The following NRG1 variants were observed in gnomAD, a reference collection of about 807,000 sequenced individuals.
The protein encoded by NRG1 is neuregulin 1, also known as pro-neuregulin-1, membrane-bound isoform.
A neutral mutation model predicts 63.8 loss-of-function variants in NRG1; 18 were observed. The observed-to-expected ratio is 0.28, with a 90% CI of 0.19 to 0.42. The LOEUF is 0.42. Among genes scored for constraint, NRG1 ranks in the 10% least tolerant of loss-of-function variants. The pLI, the probability that NRG1 is intolerant of heterozygous loss-of-function variation, is 1.00. For missense variants in NRG1, 762 were observed against 814.7 expected (o/e 0.94, Z 0.79); for synonymous variants, 302 against 301.3 (o/e 1.00, Z -0.02).
chr8:31,698,247 T>G (rs904709103), intron 1 of NRG1, among the ~76,000 whole-genome samples: 3 of 152,190 alleles, frequency 2.0e-5, no homozygotes, highest in African/African-American at 7.2e-5. Context: ...CTTAGAGATG[T>G]TTGATTTTAT....
intron 1 of NRG1, among the ~76,000 whole-genome samples, chr8:31,703,450 A>C (rs1165600736): frequency 6.6e-6 from 1 of 152,208 alleles, no homozygotes; most frequent in Admixed American, 6.5e-5. Flanking sequence ...TTATCAAGGA[A>C]ATACATTTGT....
intron 1 of NRG1, among the ~76,000 whole-genome samples, chr8:32,127,760 A>G (rs1369066906): frequency 6.6e-6 from 1 of 151,698 alleles, no homozygotes; most frequent in Non-Finnish European, 1.5e-5. Flanking sequence ...AGCTAACAAC[A>G]TTATCAGTGG....
At chr8:32,002,601 A>G (rs374121285) in intron 1 of NRG1, among the ~76,000 whole-genome samples, 242 of 152,012 alleles carry the variant, frequency 1.6e-3, no homozygotes, top group Non-Finnish European at 2.7e-3. Context: ...TTCTGCTTCA[A>G]CATTAGGCAA....
At chr8:31,820,226 C>T (rs1823873633) in intron 1 of NRG1, among the ~76,000 whole-genome samples, 1 of 152,114 alleles carries the variant, frequency 6.6e-6, no homozygotes, top group African/African-American at 2.4e-5. Flanking sequence ...ATATCTATCC[C>T]CATGGGCAGC....
chr8:32,314,239 G>A (rs913791274), intron 1 of NRG1, among the ~76,000 whole-genome samples: 1 of 152,002 alleles, frequency 6.6e-6, no homozygotes, highest in Non-Finnish European at 1.5e-5. Flanking sequence ...TGGCTCTTTG[G>A]AAAGAGTCTT....
intron 1 of NRG1, among the ~76,000 whole-genome samples, chr8:31,972,673 G>A (rs544899858): frequency 6.6e-6 from 1 of 152,190 alleles, no homozygotes; most frequent in African/African-American, 2.4e-5. Context: ...AACCCCTGGA[G>A]CAGGTCTCTC....
chr8:32,440,353 T>C (rs921791619), intron 1 of NRG1, among the ~76,000 whole-genome samples: 1 of 152,126 alleles, frequency 6.6e-6, no homozygotes, highest in African/African-American at 2.4e-5. Context: ...GGAGTGTCAC[T>C]ATGTTTTGTT....
intron 1 of NRG1, among the ~76,000 whole-genome samples, chr8:32,079,712 A>T (rs1586949896): frequency 6.6e-6 from 1 of 151,792 alleles, no homozygotes; most frequent in East Asian, 1.9e-4. Flanking sequence ...CATGTACAGA[A>T]TTTTTTTTTC....
Position 32,660,396 on chromosome 8 carries a change from A to G in NRG1, c.502+43511A>G, listed in dbSNP as rs145842511. On this transcript the variant is annotated intron_variant, in intron 5 of 11. Coordinates refer to ENST00000356819, the Ensembl canonical transcript of NRG1. The stretch of plus-strand genomic sequence containing the variant: ...AACTTGCTTATGGGAGTGGAAGAGG[A>G]AGAAAATAATCTGAAACCGGGTCTT... 4.7e-3 allele frequency among the ~76,000 whole-genome samples: 718 copies of G among 152,302 alleles called. 3 individuals are homozygous for G. Among genetic ancestry groups the G allele is most frequent in the African/African-American group, 0.016 (685 of 41,552 alleles).
At chr8:31,779,459 G>GA (rs57749982) in intron 1 of NRG1, among the ~76,000 whole-genome samples, 33,608 of 145,638 alleles carry the variant, frequency 0.23, 4,026 homozygotes, top group Non-Finnish European at 0.26. Flanking sequence ...GCCCAGAAGG[G>GA]AAAAAAAAAA....
chr8:32,625,728 C>G (rs73590604), intron 5 of NRG1, among the ~76,000 whole-genome samples: 4,705 of 150,826 alleles, frequency 0.031, 144 homozygotes, highest in African/African-American at 0.082. Context: ...ATTGGATGGC[C>G]CTGTTTTTGC....
At chr8:32,016,656 T>C in intron 1 of NRG1, among the ~76,000 whole-genome samples, 1 of 152,208 alleles carries the variant, frequency 6.6e-6, no homozygotes, top group East Asian at 1.9e-4. Context: ...AATTTATCTT[T>C]CTCTGTACCA....
rs1035369211 is a variant in NRG1 at position 32,749,287 on chromosome 8, A to T, written c.692-5085A>T. On this transcript the variant is annotated intron_variant, in intron 7 of 11. Coordinates refer to ENST00000356819, the Ensembl canonical transcript of NRG1. ...AAATAATTTAGGGGATAGTTCAGCGACAGAACTTCTCCCTCAGTAAGGTCT... is the reference window on the plus strand; with the variant it reads ...AAATAATTTAGGGGATAGTTCAGCGTCAGAACTTCTCCCTCAGTAAGGTCT... The T allele has an allele frequency of 5.9e-6, 3 of 506,672 alleles. No individual in the cohort carries two copies. The African/African-American group carries it at 6.0e-5, about 10-fold the overall frequency. 31.4% of individuals were successfully genotyped at this position (506,672 alleles called of 1,614,324 possible).
chr8:31,687,710 A>G (rs1809048199), intron 1 of NRG1, among the ~76,000 whole-genome samples: 1 of 152,256 alleles, frequency 6.6e-6, no homozygotes, highest in Non-Finnish European at 1.5e-5. Context: ...AAGAATCAGG[A>G]TCAGACAGAT....
Position 32,098,981 on chromosome 8 carries a change from G to A in NRG1, c.37+459550G>A, listed in dbSNP as rs565826056. Among the ~76,000 whole-genome samples, 43 of 152,294 alleles carry A rather than the reference G, an allele frequency of 2.8e-4. 1 individual carries two copies. Among genetic ancestry groups the A allele is most frequent in the African/African-American group, 9.6e-4 (40 of 41,568 alleles). On this transcript the variant is annotated intron_variant, in intron 1 of 10. Transcript: ENST00000519301. The stretch of plus-strand genomic sequence containing the variant: ...AAATATACAATTGTTGTCACTGGTA[G>A]CATCTATCTGGGGCCAGTGGCACAG...
intron 1 of NRG1, among the ~76,000 whole-genome samples, chr8:31,865,435 T>C (rs991710634): frequency 6.6e-6 from 1 of 152,126 alleles, no homozygotes; most frequent in Non-Finnish European, 1.5e-5. Context: ...GAATCTACCA[T>C]ATGATATGGT....
chr8:32,165,508 AAAG>A (rs1260979107), intron 1 of NRG1, among the ~76,000 whole-genome samples: 2 of 152,180 alleles, frequency 1.3e-5, no homozygotes, highest in Non-Finnish European at 2.9e-5. Context: ...ACAAAAGAAA[AAAG>A]AAAACATATT....
chr8:31,721,432 AG>A, intron 1 of NRG1, among the ~76,000 whole-genome samples: 1 of 152,146 alleles, frequency 6.6e-6, no homozygotes, highest in East Asian at 1.9e-4. Context: ...GCATACATTT[AG>A]GTAGTCAAAC....
intron 1 of NRG1, among the ~76,000 whole-genome samples, chr8:32,481,780 G>A (rs769583760): frequency 2.6e-5 from 4 of 152,180 alleles, no homozygotes; most frequent in Admixed American, 2.0e-4. Flanking sequence ...AAGGTGCTGG[G>A]CCTTCCAGTT....
Sources: gnomAD v4.1 joint callset for allele counts (sites outside exome capture counted in the v4.1 genomes callset) on GRCh38, gnomAD v4.1.1 for gene constraint, MANE v1.5 for transcripts, NCBI Gene and HGNC (gene_info 2026-07-23, HGNC 2026-07-21) for gene names.